Variants in WDR37 observed in about 807,000 individuals in gnomAD.
WDR37 encodes the protein WD repeat-containing protein 37.
In WDR37, 19 loss-of-function variants were observed where a neutral mutation model predicts 62.9. The observed-to-expected ratio is 0.30, with a 90% CI of 0.21 to 0.44. The LOEUF (loss-of-function observed/expected upper bound fraction) is 0.44, where lower values mean the gene tolerates loss of function less well. WDR37 is among the 20% of genes least tolerant of loss of function. WDR37 has a pLI of 1.00. For missense variants in WDR37, 474 were observed against 657.6 expected (o/e 0.72, Z 3.05); for synonymous variants, 250 against 260.9 (o/e 0.96, Z 0.40).
chr10:1,125,161 T>C, intron 13 of WDR37, 137 bp downstream of exon 13: 1 of 1,396,884 alleles, frequency 7.2e-7, no homozygotes, highest in Non-Finnish European at 9.4e-7. Flanking sequence ...TTAGAGTTCA[T>C]AAAATTTAAA....
chr10:1,081,943 A>G (rs1201734508), intron 5 of WDR37, among the ~76,000 whole-genome samples: 1 of 152,244 alleles, frequency 6.6e-6, no homozygotes, highest in Non-Finnish European at 1.5e-5. Context: ...GACAAGGGTA[A>G]GGATATGTAT....
chr10:1,118,639 A>C (rs563163513), intron 11 of WDR37, among the ~76,000 whole-genome samples: 13 of 152,340 alleles, frequency 8.5e-5, no homozygotes, highest in Non-Finnish European at 1.2e-4. Context: ...CAGAGCAGAG[A>C]AACACTTCAT....
Position 1,105,318 on chromosome 10 carries a change from G to T in WDR37, c.1103+51G>T. ...GTCCTTAGTCATGAAAAAGTTCTGT[G>T]GGTTGACATGAAAACTTAATTCTAG... On this transcript the variant is annotated intron_variant, in intron 11 of 13. Transcript: ENST00000263150. This position sits in a 1 kb window ranked among gnomAD's most constrained non-coding sequence, Gnocchi z 5.3. 2 of 1,565,560 alleles carry T rather than the reference G, an allele frequency of 1.3e-6. No individual in the cohort carries two copies. The highest frequency in any genetic ancestry group is 1.7e-6 in the Non-Finnish European group (2 of 1,148,148).
Position 1,129,488 on chromosome 10 carries a change from G to T in WDR37, c.*144G>T. On this transcript the variant is annotated 3_prime_UTR_variant, in exon 14 of 14. Transcript: ENST00000263150. The stretch of plus-strand genomic sequence containing the variant: ...ATATGTTCTTTTCACATAGTGCCCA[G>T]CTTGCATGAAATGTACAGAGAAATG... 8.1e-7 allele frequency: 1 copy of T among 1,232,544 alleles called. No individual in the cohort carries two copies. The highest frequency in any genetic ancestry group is 1.1e-6 in the Non-Finnish European group (1 of 899,862). The allele number at this position is 1,232,544 out of a possible 1,614,324, so 76.4% of individuals were successfully genotyped here. A position where few individuals can be genotyped will look rare whatever the true frequency, so the allele number is the denominator to read the frequency against.
intron 12 of WDR37, 83 bp from the exon 13 acceptor site, chr10:1,124,827 A>G: frequency 6.5e-7 from 1 of 1,527,428 alleles, no homozygotes; most frequent in Non-Finnish European, 8.9e-7. Flanking sequence ...ATAATATGGA[A>G]CCTCCTGCTT....
Position 1,096,255 on chromosome 10 carries a change from CTT to C in WDR37, c.726+11_726+12del, listed in dbSNP as rs1487305118. ...CTGTTGCTGACACTAGTGTAAGCAC[CTT>C]TCCTTACCTGTGAATGTGTAGGATG... On this transcript the variant is annotated intron_variant, in intron 9 of 13. Coordinates refer to ENST00000263150, the MANE Select transcript of WDR37 (RefSeq NM_014023.4). 6.2e-7 allele frequency: 1 copy of C among 1,613,870 alleles called. No homozygotes were observed. The highest frequency in any genetic ancestry group is 8.5e-7 in the Non-Finnish European group (1 of 1,179,782).
rs1308203124 is a variant in WDR37, at chr10:1,123,958, C to A, written c.1104-260C>A. ...TTCTGTCCAACCCTACTTTCTGTAA[C>A]CTCTCTTCGTTCCGTTGCCTGTAGA... is the stretch of plus-strand genomic sequence containing the variant. On this transcript the variant is annotated intron_variant, in intron 11 of 13. Coordinates refer to ENST00000263150, the MANE Select transcript of WDR37 (RefSeq NM_014023.4). 3 of 441,260 alleles carry A rather than the reference C, an allele frequency of 6.8e-6. No homozygotes were observed. In the South Asian group the frequency reaches 1.1e-4, roughly 16 times the overall value. 27.3% of individuals were successfully genotyped at this position (441,260 alleles called of 1,614,324 possible).
chr10:1,079,118 T>C (rs562568046), intron 3 of WDR37, among the ~76,000 whole-genome samples: 1 of 152,010 alleles, frequency 6.6e-6, no homozygotes, highest in Admixed American at 6.5e-5. Context: ...AAAATCTTGC[T>C]CTGTCACCTA....
rs545301320 is a variant in WDR37, at chr10:1,118,940, A to G, written c.1104-5278A>G. ...GGTTTCTAATGCTGTTTCTCACTCAATCCCACTGATTTCTCTTACTTACTG... is the reference window on the plus strand; with the variant it reads ...GGTTTCTAATGCTGTTTCTCACTCAGTCCCACTGATTTCTCTTACTTACTG... On this transcript the variant is annotated intron_variant, in intron 11 of 13. Transcript: ENST00000263150. Among the ~76,000 whole-genome samples, 53 of 152,242 alleles carry G rather than the reference A, an allele frequency of 3.5e-4. No homozygotes were observed. The South Asian group carries it at 6.0e-3, about 17-fold the overall frequency.
chr10:1,131,329 A>G lies in WDR37; in HGVS notation c.*1985A>G, dbSNP rs1589131319. On this transcript the variant is annotated 3_prime_UTR_variant, in exon 14 of 14. Transcript: ENST00000263150. ...AATTTGAAAGTCTGGGTGTCTTAGG[A>G]TGATGGTTAGGAACATTGAAAAATG... is the stretch of plus-strand genomic sequence containing the variant. 6.6e-6 allele frequency: 1 copy of G among 152,250 alleles called. No homozygotes were observed. The highest frequency in any genetic ancestry group is 2.4e-5 in the African/African-American group (1 of 41,456). 9.4% of individuals were successfully genotyped at this position (152,250 alleles called of 1,614,324 possible). A position where few individuals can be genotyped will look rare whatever the true frequency, so the allele number is the denominator to read the frequency against.
chr10:1,105,846 C>T lies in WDR37; in HGVS notation c.1103+579C>T, dbSNP rs573331112. On this transcript the variant is annotated intron_variant, in intron 11 of 13. Transcript: ENST00000263150. The surrounding 1 kb of genome is among the most constrained non-coding windows in gnomAD (Gnocchi z 5.3). ...TGTCGCCCAGGCTGGAGTGCAGTGG[C>T]GCTATCTCGGCTCACTGCAAGCTCC... Among the ~76,000 whole-genome samples the T allele has an allele frequency of 2.8e-3, 432 of 151,970 alleles. No individual in the cohort carries two copies. The highest frequency in any genetic ancestry group is 4.9e-3 in the Non-Finnish European group (335 of 67,950).
intron 11 of WDR37, among the ~76,000 whole-genome samples, chr10:1,123,330 A>G (rs959292098): frequency 2.0e-5 from 3 of 152,214 alleles, no homozygotes; most frequent in African/African-American, 7.2e-5. Context: ...CATTAAATCA[A>G]TTCACATTGT....
intron 2 of WDR37, chr10:1,074,640 G>A: frequency 1.3e-6 from 1 of 746,348 alleles, no homozygotes; most frequent in Non-Finnish European, 2.0e-6. Context: ...CACGCGTTTG[G>A]CATGGTAGGT....
At chr10:1,095,696 T>C (rs908321988) in intron 8 of WDR37, among the ~76,000 whole-genome samples, 5 of 152,292 alleles carry the variant, frequency 3.3e-5, no homozygotes, top group Admixed American at 3.3e-4. Flanking sequence ...AACTGGCTGC[T>C]GAAAACAGAG....
chr10:1,131,141 T>C lies in WDR37; in HGVS notation c.*1797T>C, dbSNP rs1489905788. On this transcript the variant is annotated 3_prime_UTR_variant, in exon 14 of 14. Coordinates refer to ENST00000263150, the MANE Select transcript of WDR37 (RefSeq NM_014023.4). ...TCCTGCTGTCCTGAGCGAACTTGCCTGATGCAGGGCTGTGCTGTGTCCAGA... is the reference window on the plus strand; with the variant it reads ...TCCTGCTGTCCTGAGCGAACTTGCCCGATGCAGGGCTGTGCTGTGTCCAGA... The C allele has an allele frequency of 6.6e-6, 1 of 152,334 alleles. No individual in the cohort carries two copies. Among genetic ancestry groups the C allele is most frequent in the Admixed American group, 6.5e-5 (1 of 15,286 alleles). The allele number at this position is 152,334 out of a possible 1,614,324, so 9.4% of individuals were successfully genotyped here.
chr10:1,126,377 G>A (rs1013363619), intron 13 of WDR37, among the ~76,000 whole-genome samples: 25 of 148,648 alleles, frequency 1.7e-4, no homozygotes, highest in Middle Eastern at 3.5e-3. Context: ...CTGCACTCCA[G>A]CCTGGGCGAC....
chr10:1,102,895 C>T (rs4880764), intron 9 of WDR37, among the ~76,000 whole-genome samples: 147,550 of 152,276 alleles, frequency 0.97, 71,653 homozygotes, highest in East Asian at 1. Flanking sequence ...ACCAGGGGTC[C>T]TCACTCCAGA....
At chr10:1,071,530 CTT>C (rs1833727226) in intron 1 of WDR37, among the ~76,000 whole-genome samples, 1 of 152,142 alleles carries the variant, frequency 6.6e-6, no homozygotes, top group Non-Finnish European at 1.5e-5. Context: ...ATTTGAATAA[CTT>C]AATCACATGT....
At chr10:1,095,777 AATGG>A (rs1011601728) in intron 8 of WDR37, among the ~76,000 whole-genome samples, 38 of 152,272 alleles carry the variant, frequency 2.5e-4, no homozygotes, top group African/African-American at 9.1e-4. Flanking sequence ...GTGTGTGTTG[AATGG>A]ATGGAGATGA....
Sources: gnomAD v4.1 joint callset for allele counts (sites outside exome capture counted in the v4.1 genomes callset) on GRCh38, gnomAD v4.1.1 for gene constraint, Gnocchi (gnomAD v3.1) non-coding constraint, MANE v1.5 for transcripts, NCBI Gene and HGNC (gene_info 2026-07-23, HGNC 2026-07-21) for gene names.